The following FMN1 variants were observed in gnomAD, a reference collection of about 807,000 sequenced individuals.
FMN1 encodes formin-1.
FMN1 carries 110 observed loss-of-function variants against 132.4 expected under a neutral mutation model. The observed-to-expected ratio is 0.83, with a 90% CI of 0.71 to 0.97. The LOEUF (loss-of-function observed/expected upper bound fraction) is 0.97. FMN1 is among the 50% of genes least tolerant of loss of function. The pLI, the probability that FMN1 is intolerant of heterozygous loss-of-function variation, is 0.00. For synonymous variants in FMN1, 722 were observed against 651.7 expected (o/e 1.11, Z -1.64); for missense variants, 1,792 against 1,705.3 (o/e 1.05, Z -0.90).
chr15:32,934,020 T>C (rs2061192380), intron 9 of FMN1, among the ~76,000 whole-genome samples: 1 of 152,162 alleles, frequency 6.6e-6, no homozygotes, highest in Non-Finnish European at 1.5e-5. Flanking sequence ...GCTAATTTGT[T>C]CATTGTTTTG....
intron 16 of FMN1, among the ~76,000 whole-genome samples, chr15:32,865,653 A>G (rs748832696): frequency 6.6e-6 from 1 of 152,134 alleles, no homozygotes. Flanking sequence ...CCTAATCAAC[A>G]TGGAGAAACC....
At chr15:33,098,403 C>T (rs758924787) in intron 4 of FMN1, among the ~76,000 whole-genome samples, 1 of 152,182 alleles carries the variant, frequency 6.6e-6, no homozygotes, top group Non-Finnish European at 1.5e-5. Context: ...CCCACCTCCC[C>T]CTCTCTAGGC....
chr15:32,986,276 A>T (rs2033063647), intron 7 of FMN1, among the ~76,000 whole-genome samples: 1 of 152,192 alleles, frequency 6.6e-6, no homozygotes, highest in South Asian at 2.1e-4. Context: ...GATAAAGTGT[A>T]TCCGTTGAGG....
In FMN1 at chr15:32,899,983, C is replaced by T. The variant is rs2060256415; in HGVS notation, c.3650G>A (p.Ser1217Asn). Residue 1217 changes from serine (S) to asparagine (N), a missense_variant, in exon 14 of 21, where the codon AGT becomes AAT. Physicochemically the swap from Ser to Asn is conservative, Grantham distance 46 (BLOSUM62 1). Transcript: ENST00000616417. ...CTTATTATGAAAAATAAATACCCGA[C>T]TTTTGACATCCTTGAGTTTGGGCAG... is the stretch of plus-strand genomic sequence containing the variant. Reference protein sequence around the residue: ...EILPKLKDVKSRDNGINLVDY... With the variant: ...EILPKLKDVKNRDNGINLVDY... 1 of 1,612,984 alleles carries T rather than the reference C, an allele frequency of 6.2e-7. No homozygotes were observed.
chr15:33,168,464 GA>G (rs1380171913), intron 3 of FMN1, among the ~76,000 whole-genome samples: 2 of 152,184 alleles, frequency 1.3e-5, no homozygotes, highest in African/African-American at 2.4e-5. Flanking sequence ...TCTTTGTCCT[GA>G]AAGTATGTTA....
At chr15:33,026,642 C>T (rs947855229) in intron 6 of FMN1, among the ~76,000 whole-genome samples, 7 of 152,186 alleles carry the variant, frequency 4.6e-5, no homozygotes, top group African/African-American at 1.7e-4. Context: ...AGAAGAATCT[C>T]TGTCCTTAGC....
At chr15:33,156,723 T>C (rs992460430) in intron 3 of FMN1, among the ~76,000 whole-genome samples, 3 of 152,180 alleles carry the variant, frequency 2.0e-5, no homozygotes, top group African/African-American at 7.2e-5. Context: ...AGTCTCTTAT[T>C]GTGTAATTTA....
chr15:32,899,926 T>A (rs1009201880), intron 14 of FMN1, 53 bp downstream of exon 14: 1 of 1,566,174 alleles, frequency 6.4e-7, no homozygotes, highest in Admixed American at 1.8e-5. Flanking sequence ...AAATTAAAGG[T>A]AAAGAAAGAA....
chr15:33,179,193 G>A (rs1356959115), intron 3 of FMN1, among the ~76,000 whole-genome samples: 2 of 151,938 alleles, frequency 1.3e-5, no homozygotes, highest in African/African-American at 4.8e-5. Flanking sequence ...AATTCAATAG[G>A]AGAATAACAG....
At chr15:32,803,081 G>A (rs562493042) in intron 18 of FMN1, among the ~76,000 whole-genome samples, 39 of 152,310 alleles carry the variant, frequency 2.6e-4, no homozygotes, top group Admixed American at 1.4e-3. Flanking sequence ...AGATGGCACC[G>A]TCTATGGGAT....
intron 4 of FMN1, among the ~76,000 whole-genome samples, chr15:33,129,599 C>T (rs1403153594): frequency 6.6e-6 from 1 of 152,144 alleles, no homozygotes; most frequent in Non-Finnish European, 1.5e-5. Context: ...CAACCATCCA[C>T]TGTCGTGGGT....
intron 4 of FMN1, among the ~76,000 whole-genome samples, chr15:33,109,025 A>C (rs2039594551): frequency 6.6e-6 from 1 of 152,092 alleles, no homozygotes; most frequent in Non-Finnish European, 1.5e-5. Context: ...TAACCCAAGA[A>C]TAAACTAAAC....
chr15:33,077,894 T>C (rs138959425), intron 5 of FMN1, among the ~76,000 whole-genome samples: 113 of 151,244 alleles, frequency 7.5e-4, no homozygotes, highest in African/African-American at 2.6e-3. Context: ...AAAATGCTCA[T>C]CATCACTGGC....
At chr15:33,169,119 T>G (rs1456658451) in intron 3 of FMN1, among the ~76,000 whole-genome samples, 1 of 152,170 alleles carries the variant, frequency 6.6e-6, no homozygotes, top group African/African-American at 2.4e-5. Flanking sequence ...ATTCCACAAA[T>G]TCATTCTCAA....
chr15:33,023,695 T>G (rs1195722096), intron 6 of FMN1, among the ~76,000 whole-genome samples: 1 of 151,960 alleles, frequency 6.6e-6, no homozygotes, highest in African/African-American at 2.4e-5. Context: ...GAGCAAATAC[T>G]GAAGAGACCC....
intron 4 of FMN1, among the ~76,000 whole-genome samples, chr15:33,099,296 A>G (rs928729583): frequency 1.3e-5 from 2 of 152,210 alleles, no homozygotes; most frequent in African/African-American, 4.8e-5. Flanking sequence ...GTCTCAAATA[A>G]GTCAATCTAT....
intron 4 of FMN1, among the ~76,000 whole-genome samples, chr15:33,089,910 T>C (rs773374885): frequency 9.2e-5 from 14 of 152,222 alleles, no homozygotes; most frequent in Non-Finnish European, 2.1e-4. Context: ...AGAATCATGA[T>C]TCATGTTAGC....
At chr15:33,016,992 A>G (rs1365002118) in intron 6 of FMN1, among the ~76,000 whole-genome samples, 1 of 152,146 alleles carries the variant, frequency 6.6e-6, no homozygotes, top group Non-Finnish European at 1.5e-5. Context: ...GTGAATAATA[A>G]ATCTTTTCAT....
At chr15:32,805,143 A>G (rs2057633502) in intron 17 of FMN1, among the ~76,000 whole-genome samples, 1 of 152,044 alleles carries the variant, frequency 6.6e-6, no homozygotes, top group Middle Eastern at 3.2e-3. Context: ...AAGCGTTCCT[A>G]TTTCTCCACA....
Sources: gnomAD v4.1 joint callset for allele counts (sites outside exome capture counted in the v4.1 genomes callset) on GRCh38, gnomAD v4.1.1 for gene constraint, MANE v1.5 for transcripts, NCBI Gene and HGNC (gene_info 2026-07-23, HGNC 2026-07-21) for gene names.